The following AKAP9 variants were observed in gnomAD, a reference collection of about 807,000 sequenced individuals.
AKAP9 encodes A-kinase anchoring protein 9, also known as A-kinase anchor protein 9.
In AKAP9, 311 loss-of-function variants were observed where a neutral mutation model predicts 488.5. That is an observed-to-expected ratio of 0.64 (90% CI 0.58 to 0.70). The LOEUF (loss-of-function observed/expected upper bound fraction) is 0.70, where lower values mean the gene tolerates loss of function less well. Among genes scored for constraint, AKAP9 ranks in the 30% least tolerant of loss-of-function variants. AKAP9 has a pLI of 0.00. For missense variants in AKAP9, 4,215 were observed against 4,374.5 expected, an observed-to-expected ratio of 0.96 and a Z score of 1.03; for synonymous variants, 1,462 against 1,483.5, an observed-to-expected ratio of 0.99 and a Z score of 0.33.
intron 7 of AKAP9, among the ~76,000 whole-genome samples, chr7:91,996,622 G>T (rs1465002114): frequency 6.6e-6 from 1 of 152,136 alleles, no homozygotes; most frequent in African/African-American, 2.4e-5. Flanking sequence ...TTGTCGCTCT[G>T]TGCACACCTA....
In AKAP9 at chr7:92,077,092, C is replaced by A. The variant is rs377096528; in HGVS notation, c.6765+85C>A. 1.1e-3 allele frequency: 321 copies of A among 300,000 alleles called. 2 individuals carry two copies. The highest frequency in any genetic ancestry group is 1.3e-3 in the Middle Eastern group (1 of 766). 18.6% of individuals were successfully genotyped at this position (300,000 alleles called of 1,614,324 possible). The stretch of plus-strand genomic sequence containing the variant: ...TTTATTATTATTATTATTATTATTT[C>A]TTTCTTTTTTTTTTTTTTTTTGAGA... On this transcript the variant is annotated intron_variant, in intron 29 of 49. Transcript: ENST00000356239.
intron 21 of AKAP9, among the ~76,000 whole-genome samples, chr7:92,047,601 G>A: frequency 6.6e-6 from 1 of 152,136 alleles, no homozygotes; most frequent in Non-Finnish European, 1.5e-5. Context: ...CAGCTTTACA[G>A]CAATTCATAG....
Position 92,045,048 on chromosome 7 carries a change from C to T in AKAP9, c.5203C>T (p.Leu1735Phe), listed in dbSNP as rs1328671206. 1 of 1,613,370 alleles carries T rather than the reference C, an allele frequency of 6.2e-7. No homozygotes were observed. The highest frequency in any genetic ancestry group is 8.5e-7 in the Non-Finnish European group (1 of 1,179,688). Residue 1735 changes from leucine (L) to phenylalanine (F), a missense_variant, in exon 21 of 50, where the codon CTC becomes TTC. Coordinates refer to ENST00000356239, the MANE Select transcript of AKAP9 (RefSeq NM_005751.5). ...AGCTAATAATAGACTTTTGAAGATC[C>T]TCTTAGAAGTTGTAAAGACAACAGC... is the stretch of plus-strand genomic sequence containing the variant. Reference protein sequence around the residue: ...QKANNRLLKILLEVVKTTAAV... With the variant: ...QKANNRLLKIFLEVVKTTAAV...
chr7:92,107,481 A>G, intron 48 of AKAP9, 59 bp downstream of exon 48: 1 of 1,530,140 alleles, frequency 6.5e-7, no homozygotes, highest in Non-Finnish European at 9.0e-7. Flanking sequence ...TAACAGAGAT[A>G]AATGGACATT....
At chr7:91,990,132 T>A (rs554438690) in intron 3 of AKAP9, among the ~76,000 whole-genome samples, 65 of 152,220 alleles carry the variant, frequency 4.3e-4, no homozygotes, top group Non-Finnish European at 8.7e-4. Context: ...TTAAATAACT[T>A]CAACAAATGC....
At chr7:91,941,311 C>G (rs1174883431) in intron 1 of AKAP9, 164 bp downstream of exon 1, 2 of 601,990 alleles carry the variant, frequency 3.3e-6, no homozygotes, top group Non-Finnish European at 5.8e-6. Context: ...CCTCCTTTCC[C>G]CTTTTTCCAG....
rs777349648 is a variant in AKAP9 at position 92,002,395 on chromosome 7, A to G, written c.2478A>G (p.Ile826Met). The change falls in exon 8 of 50, where the codon ATA becomes ATG. Residue 826 changes from isoleucine (I) to methionine (M), a missense_variant. Transcript: ENST00000356239. The stretch of plus-strand genomic sequence containing the variant: ...GGGAAAAAGAAATAGAAATACTTAT[A>G]GAGGAAAATGAGGACCTCAAACAAC... ...SVWEKEIEIL[I>M]EENEDLKQQC... The G allele has an allele frequency of 2.5e-6, 4 of 1,610,966 alleles. No homozygotes were observed. Among genetic ancestry groups the G allele is most frequent in the Admixed American group, 1.7e-5 (1 of 59,664 alleles).
At chr7:91,985,675 TCTCA>T in intron 3 of AKAP9, among the ~76,000 whole-genome samples, 1 of 151,946 alleles carries the variant, frequency 6.6e-6, no homozygotes, top group African/African-American at 2.4e-5. Context: ...TGTGGCGGAG[TCTCA>T]CTCTTTCGCC....
intron 24 of AKAP9, chr7:92,063,615 T>C (rs1010999357): frequency 1.0e-5 from 4 of 386,164 alleles, no homozygotes; most frequent in Non-Finnish European, 1.4e-5. Context: ...GTTGCTGTTG[T>C]TCCATACTTA....
chr7:91,941,296 GC>G (rs1790724842), intron 1 of AKAP9, 149 bp downstream of exon 1: 1 of 670,130 alleles, frequency 1.5e-6, no homozygotes, highest in Non-Finnish European at 2.5e-6. Context: ...ATCTCTCCTC[GC>G]CCTCCTCCTT....
intron 38 of AKAP9, among the ~76,000 whole-genome samples, chr7:92,091,353 C>T (rs1022286719): frequency 4.6e-5 from 7 of 151,708 alleles, no homozygotes; most frequent in East Asian, 1.9e-4. Context: ...TTTGGGAGGC[C>T]GAGGTGGGAG....
chr7:92,007,021 A>AAATG, intron 8 of AKAP9, among the ~76,000 whole-genome samples: 1 of 152,240 alleles, frequency 6.6e-6, no homozygotes, highest in Non-Finnish European at 1.5e-5. Context: ...TAATTTTTTT[A>AAATG]AATGAATGAA....
intron 8 of AKAP9, among the ~76,000 whole-genome samples, chr7:92,009,839 T>C (rs749170725): frequency 7.2e-5 from 11 of 152,226 alleles, no homozygotes; most frequent in Non-Finnish European, 1.2e-4. Context: ...TTCACATTCA[T>C]AGATAGCAGG....
intron 1 of AKAP9, among the ~76,000 whole-genome samples, chr7:91,963,958 A>G (rs1251844956): frequency 6.6e-6 from 1 of 151,996 alleles, no homozygotes; most frequent in Non-Finnish European, 1.5e-5. Context: ...TTTAAAGCAC[A>G]ACAAAGCTTA....
rs759296167 is a variant in AKAP9 at position 92,097,216 on chromosome 7, G to C, written c.10257G>C (p.Leu3419=). 44 of 1,612,536 alleles carry C rather than the reference G, an allele frequency of 2.7e-5. 1 individual carries two copies. The South Asian group carries it at 4.7e-4, about 17-fold the overall frequency. Reference sequence around the variant, plus strand: ...AAGTGGAAGATCTTCAGCGCCAGCTGGAAGAGAAAAGACAACAAGTTTATA... The same window carrying C: ...AAGTGGAAGATCTTCAGCGCCAGCTCGAAGAGAAAAGACAACAAGTTTATA... ...QSKVEDLQRQ[L]EEKRQQVYKL... The change falls in exon 41 of 50, where the codon CTG becomes CTC. Residue 3419 remains leucine, a synonymous_variant. Transcript: ENST00000356239.
Position 92,002,452 on chromosome 7 carries a change from G to A in AKAP9, c.2535G>A (p.Lys845=), listed in dbSNP as rs1289915829. 10 of 1,609,850 alleles carry A rather than the reference G, an allele frequency of 6.2e-6. No homozygotes were observed. The highest frequency in any genetic ancestry group is 1.7e-5 in the Admixed American group (1 of 59,342). ...QCIQLNEEIE[K]QRNTFSFAEK... ...TTCAGCTAAATGAAGAGATTGAAAA[G>A]CAAAGGAACACTTTTTCATTTGCTG... Residue 845 remains lysine (K), a synonymous_variant, in exon 8 of 50, where the codon AAG becomes AAA. Transcript: ENST00000356239.
chr7:92,085,435 C>CT lies in AKAP9; in HGVS notation c.8833-59dup. Reference sequence around the variant, plus strand: ...TTAAAATTTATTTCTGTTTGTAAGTCTAATTTTTCAGTCTGTGAAGAAGTT... The same window carrying CT: ...TTAAAATTTATTTCTGTTTGTAAGTCTTAATTTTTCAGTCTGTGAAGAAGTT... On this transcript the variant is annotated intron_variant, in intron 35 of 49. Coordinates refer to ENST00000356239, the MANE Select transcript of AKAP9 (RefSeq NM_005751.5). 5 of 1,481,162 alleles carry CT rather than the reference C, an allele frequency of 3.4e-6. No individual in the cohort carries two copies. The East Asian group carries it at 6.8e-5, about 20-fold the overall frequency. 91.8% of individuals were successfully genotyped at this position (1,481,162 alleles called of 1,614,324 possible).
At chr7:92,014,109 A>G (rs1337942327) in intron 9 of AKAP9, 140 bp from the exon 10 acceptor site, 1 of 675,178 alleles carries the variant, frequency 1.5e-6, no homozygotes, top group Non-Finnish European at 2.6e-6. Flanking sequence ...AATGTTGAGC[A>G]ATGGAAAATA....
chr7:92,001,881 TTAA>T lies in AKAP9; in HGVS notation c.1965_1967del (p.Lys656del). On this transcript the variant is annotated inframe_deletion, in exon 8 of 50. Coordinates refer to ENST00000356239, the MANE Select transcript of AKAP9 (RefSeq NM_005751.5). ...GAACATCGAATAAATATTGAAAAAC[TTAA>T]AGATAATTTAGGCATTCACTATAAA... The T allele has an allele frequency of 1.2e-6, 2 of 1,613,006 alleles. No homozygotes were observed. The highest frequency in any genetic ancestry group is 1.7e-6 in the Non-Finnish European group (2 of 1,179,304).
Sources: gnomAD v4.1 joint callset for allele counts (sites outside exome capture counted in the v4.1 genomes callset) on GRCh38, gnomAD v4.1.1 for gene constraint, MANE v1.5 for transcripts, NCBI Gene and HGNC (gene_info 2026-07-23, HGNC 2026-07-21) for gene names.